Variants in ADGRL3 observed in about 807,000 individuals in gnomAD.
ADGRL3 encodes the protein adhesion G protein-coupled receptor L3.
In ADGRL3, 62 loss-of-function variants were observed where a neutral mutation model predicts 153.5. The observed-to-expected ratio is 0.40, with a 90% CI of 0.33 to 0.50. ADGRL3 has a LOEUF of 0.50. Ranked by LOEUF, ADGRL3 falls within the 20% of genes least tolerant of loss-of-function variation. The pLI, the probability that ADGRL3 is intolerant of heterozygous loss-of-function variation, is 0.47. For synonymous variants in ADGRL3, 710 were observed against 672.5 expected, an observed-to-expected ratio of 1.06 and a Z score of -0.86; for missense variants, 1,641 against 1,859.4, an observed-to-expected ratio of 0.88 and a Z score of 2.16.
At chr4:61,439,619 G>A (rs191643286) in intron 2 of ADGRL3, among the ~76,000 whole-genome samples, 2 of 151,540 alleles carry the variant, frequency 1.3e-5, no homozygotes, top group East Asian at 1.9e-4. Context: ...TCCAACCCCC[G>A]ACACGCCCCG....
chr4:62,013,542 C>CA (rs771255182), intron 21 of ADGRL3, among the ~76,000 whole-genome samples: 120 of 141,502 alleles, frequency 8.5e-4, no homozygotes, highest in Admixed American at 4.0e-3. Context: ...AACTCCATCT[C>CA]AAAAAAAAAA....
At chr4:61,417,165 C>T (rs563311205) in intron 2 of ADGRL3, among the ~76,000 whole-genome samples, 12 of 152,210 alleles carry the variant, frequency 7.9e-5, no homozygotes, top group Admixed American at 2.6e-4. Flanking sequence ...TGGGCCAGTA[C>T]GTGGCCTAGG....
chr4:61,381,112 AG>A (rs1275415795), intron 1 of ADGRL3, among the ~76,000 whole-genome samples: 1 of 151,966 alleles, frequency 6.6e-6, no homozygotes, highest in East Asian at 1.9e-4. Flanking sequence ...TAATTGAGAA[AG>A]GCATTGAGAT....
At chr4:61,208,050 G>T (rs907600990) in intron 1 of ADGRL3, among the ~76,000 whole-genome samples, 1 of 152,092 alleles carries the variant, frequency 6.6e-6, no homozygotes, top group African/African-American at 2.4e-5. Context: ...CTTGTTTTTA[G>T]ATTTTTTGTC....
intron 9 of ADGRL3, among the ~76,000 whole-genome samples, chr4:61,885,097 C>T (rs986401538): frequency 6.6e-6 from 1 of 151,656 alleles, no homozygotes; most frequent in African/African-American, 2.4e-5. Context: ...AACAACATGG[C>T]GAAGTCCCGT....
intron 13 of ADGRL3, among the ~76,000 whole-genome samples, chr4:61,919,753 G>A (rs966584935): frequency 6.6e-6 from 1 of 152,132 alleles, no homozygotes; most frequent in Non-Finnish European, 1.5e-5. Context: ...ATTCTGCATT[G>A]ACGTGGAAAG....
chr4:61,508,285 C>T (rs2098442939), intron 3 of ADGRL3, among the ~76,000 whole-genome samples: 1 of 152,058 alleles, frequency 6.6e-6, no homozygotes, highest in African/African-American at 2.4e-5. Context: ...ATATAAAGTG[C>T]CAGCTATGAA....
At chr4:61,662,183 G>A (rs1229619674) in intron 5 of ADGRL3, among the ~76,000 whole-genome samples, 1 of 152,184 alleles carries the variant, frequency 6.6e-6, no homozygotes, top group Non-Finnish European at 1.5e-5. Flanking sequence ...GTGTGAAGCT[G>A]CGGCCTCCCA....
intron 5 of ADGRL3, among the ~76,000 whole-genome samples, chr4:61,620,695 C>T (rs1273488115): frequency 1.6e-5 from 2 of 123,398 alleles, no homozygotes; most frequent in Non-Finnish European, 3.1e-5. Flanking sequence ...GGCTGGAGTG[C>T]AGTGGTGCGA....
rs539405643 is a variant in ADGRL3, at chr4:61,379,946, C to T, written c.-239-3178C>T. 2.6e-5 allele frequency among the ~76,000 whole-genome samples: 4 copies of T among 152,056 alleles called. No individual in the cohort carries two copies. The East Asian group carries it at 5.8e-4, about 22-fold the overall frequency. On this transcript the variant is annotated intron_variant, in intron 1 of 26. Transcript: ENST00000683033. ...TTTGAAAGGCTTGAGGATGTAGAGT[C>T]TGAATTTGGCTTTTTTGCCTTCAAA... is the stretch of plus-strand genomic sequence containing the variant.
chr4:61,723,478 C>G (rs959933656), intron 6 of ADGRL3, among the ~76,000 whole-genome samples: 4 of 152,152 alleles, frequency 2.6e-5, no homozygotes, highest in African/African-American at 9.7e-5. Flanking sequence ...CCTGCCCCTT[C>G]CACAGAAAGC....
rs573308721 is a variant in ADGRL3 at position 61,628,160 on chromosome 4, A to G, written c.473+40720A>G. 5.3e-5 allele frequency among the ~76,000 whole-genome samples: 8 copies of G among 152,330 alleles called. 1 individual carries two copies. Among genetic ancestry groups the G allele is most frequent in the African/African-American group, 1.9e-4 (8 of 41,568 alleles). On this transcript the variant is annotated intron_variant, in intron 5 of 26. Transcript: ENST00000683033. ...TACTTAATTCTGTAACTACCCTTAAATATAAGTACTAATATTGTCTCCTAT... is the reference window on the plus strand; with the variant it reads ...TACTTAATTCTGTAACTACCCTTAAGTATAAGTACTAATATTGTCTCCTAT...
intron 1 of ADGRL3, among the ~76,000 whole-genome samples, chr4:61,372,035 T>C (rs2096537874): frequency 6.6e-6 from 1 of 152,210 alleles, no homozygotes; most frequent in South Asian, 2.1e-4. Flanking sequence ...CTCCTGAGGC[T>C]TCTGCATTCT....
At chr4:62,001,203 G>T (rs2099139283) in intron 21 of ADGRL3, among the ~76,000 whole-genome samples, 2 of 152,186 alleles carry the variant, frequency 1.3e-5, no homozygotes, top group Non-Finnish European at 1.5e-5. Flanking sequence ...ATCTGAGGTT[G>T]TGTAGAGAAT....
chr4:61,203,786 A>G (rs1050283501), intron 1 of ADGRL3, among the ~76,000 whole-genome samples: 2 of 152,178 alleles, frequency 1.3e-5, no homozygotes, highest in African/African-American at 4.8e-5. Context: ...ATTTATCTGC[A>G]TGTGGATTAC....
intron 6 of ADGRL3, among the ~76,000 whole-genome samples, chr4:61,719,758 C>G (rs757603373): frequency 6.6e-5 from 10 of 151,808 alleles, no homozygotes; most frequent in Non-Finnish European, 2.9e-5. Flanking sequence ...CCCACCACTA[C>G]GCCTGGCTAA....
intron 8 of ADGRL3, among the ~76,000 whole-genome samples, chr4:61,770,014 A>G (rs528321850): frequency 6.6e-6 from 1 of 152,326 alleles, no homozygotes; most frequent in East Asian, 1.9e-4. Context: ...GCTTGGGCTC[A>G]GAGGCCTGAC....
chr4:61,372,885 C>G (rs997717345), intron 1 of ADGRL3, among the ~76,000 whole-genome samples: 1 of 152,202 alleles, frequency 6.6e-6, no homozygotes, highest in Non-Finnish European at 1.5e-5. Flanking sequence ...AGCGAGACTC[C>G]GTGGGGCAGG....
At chr4:61,900,405 T>A (rs954277062) in intron 11 of ADGRL3, among the ~76,000 whole-genome samples, 10 of 152,140 alleles carry the variant, frequency 6.6e-5, no homozygotes, top group Non-Finnish European at 1.2e-4. Flanking sequence ...ACTGGTAAAG[T>A]TAGAGATTAA....
Sources: gnomAD v4.1 joint callset for allele counts (sites outside exome capture counted in the v4.1 genomes callset) on GRCh38, gnomAD v4.1.1 for gene constraint, MANE v1.5 for transcripts, NCBI Gene and HGNC (gene_info 2026-07-23, HGNC 2026-07-21) for gene names.